The following HCFC2 variants were observed in gnomAD, a reference collection of about 807,000 sequenced individuals.
HCFC2 encodes the protein host cell factor C2.
A neutral mutation model predicts 89.2 loss-of-function variants in HCFC2; 18 were observed. The observed-to-expected ratio is 0.20, with a 90% CI of 0.14 to 0.30. HCFC2 has a LOEUF of 0.30. HCFC2 is among the 10% of genes least tolerant of loss of function. The pLI, the probability that HCFC2 is intolerant of heterozygous loss-of-function variation, is 1.00. For missense variants in HCFC2, 578 were observed against 956.1 expected, an observed-to-expected ratio of 0.60 and a Z score of 5.21; for synonymous variants, 308 against 335.7, an observed-to-expected ratio of 0.92 and a Z score of 0.90.
In HCFC2 at chr12:104,101,985, A is replaced by C. The variant is rs891431491; in HGVS notation, c.1896A>C (p.Val632=). ...CATTTTAGGTAGGAAATGCAGATGTACCTGACTACAGCTTGCTTAAGAAAC... is the reference window on the plus strand; with the variant it reads ...CATTTTAGGTAGGAAATGCAGATGTCCCTGACTACAGCTTGCTTAAGAAAC... ...QSISKVGNAD[V]PDYSLLKKQD... is the part of the protein sequence containing the mutation. Residue 632 remains valine, a synonymous_variant, in exon 14 of 15, where the codon GTA becomes GTC. Transcript: ENST00000229330. The C allele has an allele frequency of 1.9e-6, 3 of 1,605,080 alleles. No individual in the cohort carries two copies. Among genetic ancestry groups the C allele is most frequent in the Non-Finnish European group, 1.7e-6 (2 of 1,174,686 alleles).
intron 9 of HCFC2, among the ~76,000 whole-genome samples, chr12:104,089,048 C>G (rs983936871): frequency 6.6e-6 from 1 of 152,124 alleles, no homozygotes; most frequent in Non-Finnish European, 1.5e-5. Context: ...GACCCACCCC[C>G]CACAGTCCCC....
chr12:104,097,200 C>T (rs2723866), intron 12 of HCFC2, among the ~76,000 whole-genome samples: 93,339 of 151,970 alleles, frequency 0.61, 29,927 homozygotes, highest in East Asian at 0.9. Flanking sequence ...TAAATTTAAC[C>T]TTTAGAATCT....
intron 7 of HCFC2, among the ~76,000 whole-genome samples, chr12:104,084,023 A>G (rs1883759619): frequency 6.6e-6 from 1 of 152,166 alleles, no homozygotes; most frequent in South Asian, 2.1e-4. Flanking sequence ...GCAAGACCCC[A>G]TCTCGAAAGG....
At chr12:104,069,788 C>T (rs927852671) in intron 3 of HCFC2, among the ~76,000 whole-genome samples, 11 of 151,706 alleles carry the variant, frequency 7.3e-5, no homozygotes, top group African/African-American at 2.7e-4. Context: ...CCTATCAACC[C>T]ATCATCTAGG....
chr12:104,086,895 A>T lies in HCFC2; in HGVS notation c.1112A>T (p.Asn371Ile). 6.2e-7 allele frequency: 1 copy of T among 1,613,764 alleles called. No homozygotes were observed. The highest frequency in any genetic ancestry group is 8.5e-7 in the Non-Finnish European group (1 of 1,179,854). Residue 371 changes from asparagine (N) to isoleucine (I), a missense_variant, in exon 8 of 15, where the codon AAC becomes ATC. Coordinates refer to ENST00000229330, the MANE Select transcript of HCFC2 (RefSeq NM_013320.3). Reference sequence around the variant, plus strand: ...GTACAGCTGATCAAAGCCACTACCAACTCCTTTCATGTCAAGTGGGATGAA... The same window carrying T: ...GTACAGCTGATCAAAGCCACTACCATCTCCTTTCATGTCAAGTGGGATGAA... ...SQVQLIKATTNSFHVKWDEVS... is the reference protein window; with the variant it reads ...SQVQLIKATTISFHVKWDEVS...
At chr12:104,079,880 C>T (rs929434181) in intron 4 of HCFC2, among the ~76,000 whole-genome samples, 2 of 152,106 alleles carry the variant, frequency 1.3e-5, no homozygotes, top group Admixed American at 6.5e-5. Flanking sequence ...ATAGGGTTAC[C>T]TTATGTCCTG....
At chr12:104,090,738 T>C (rs1349300982) in intron 9 of HCFC2, among the ~76,000 whole-genome samples, 1 of 152,204 alleles carries the variant, frequency 6.6e-6, no homozygotes, top group Non-Finnish European at 1.5e-5. Context: ...GTTATGTTTC[T>C]TTTTTTCAAG....
intron 3 of HCFC2, among the ~76,000 whole-genome samples, chr12:104,071,524 C>A (rs1009119985): frequency 3.9e-5 from 6 of 152,226 alleles, no homozygotes; most frequent in African/African-American, 1.4e-4. Context: ...ACTGTGCCTA[C>A]GGGGAAAGAA....
Position 104,086,127 on chromosome 12 carries a change from A to G in HCFC2, c.1064-720A>G, listed in dbSNP as rs137888557. Among the ~76,000 whole-genome samples the G allele has an allele frequency of 7.4e-3, 1,119 of 151,262 alleles. 21 individuals carry two copies. Among genetic ancestry groups the G allele is most frequent in the South Asian group, 0.074 (354 of 4,786 alleles). On this transcript the variant is annotated intron_variant, in intron 7 of 14. Transcript: ENST00000229330. ...ATTCTTCTGCCTTAGCCTTCCGAGT[A>G]CCTGGAATTACAGGCGCCAGCCACA...
At chr12:104,099,911 C>T (rs2029883323) in intron 13 of HCFC2, among the ~76,000 whole-genome samples, 1 of 152,118 alleles carries the variant, frequency 6.6e-6, no homozygotes, top group Non-Finnish European at 1.5e-5. Flanking sequence ...TCCATCCCGG[C>T]TTCCCAAAGT....
intron 12 of HCFC2, among the ~76,000 whole-genome samples, chr12:104,097,185 T>C (rs1565815499): frequency 6.6e-6 from 1 of 152,212 alleles, no homozygotes. Flanking sequence ...AGTTTTCATT[T>C]GACCTAAATT....
chr12:104,094,415 G>T (rs1485598264), intron 10 of HCFC2, among the ~76,000 whole-genome samples: 1 of 152,044 alleles, frequency 6.6e-6, no homozygotes, highest in East Asian at 1.9e-4. Flanking sequence ...ACAAGAAGAA[G>T]GCTTAAGTTT....
chr12:104,082,081 A>T lies in HCFC2; in HGVS notation c.768-419A>T, dbSNP rs2136609859. 2.0e-5 allele frequency among the ~76,000 whole-genome samples: 3 copies of T among 152,320 alleles called. No individual in the cohort carries two copies. The East Asian group carries it at 5.8e-4, about 29-fold the overall frequency. On this transcript the variant is annotated intron_variant, in intron 5 of 14. Coordinates refer to ENST00000229330, the MANE Select transcript of HCFC2 (RefSeq NM_013320.3). ...GAACACAGTTTAAAGTTTTTTGTTT[A>T]AGTGATATCAATGACCAAAGTTATA...
At chr12:104,097,821 GTA>G (rs1380783956) in intron 12 of HCFC2, 1 of 164,520 alleles carries the variant, frequency 6.1e-6, no homozygotes, top group Non-Finnish European at 1.3e-5. Context: ...ATATACCAAA[GTA>G]TATTCAAATT....
In HCFC2 at chr12:104,083,108, G is replaced by A. The variant is rs548228100; in HGVS notation, c.1063+207G>A. On this transcript the variant is annotated intron_variant, in intron 7 of 14. Coordinates refer to ENST00000229330, the MANE Select transcript of HCFC2 (RefSeq NM_013320.3). ...GTAGGCTGGATTTAAAGACTCCTTTGCAAAGAATAAAGTATGGAAAGGGAA... is the reference window on the plus strand; with the variant it reads ...GTAGGCTGGATTTAAAGACTCCTTTACAAAGAATAAAGTATGGAAAGGGAA... Among the ~76,000 whole-genome samples the A allele has an allele frequency of 1.0e-3, 157 of 152,196 alleles. 1 individual carries two copies. The highest frequency in any genetic ancestry group is 3.6e-3 in the African/African-American group (151 of 41,536).
Position 104,103,324 on chromosome 12 carries a change from G to A in HCFC2, c.*51G>A. 1 of 1,403,164 alleles carries A rather than the reference G, an allele frequency of 7.1e-7. No individual in the cohort carries two copies. Among genetic ancestry groups the A allele is most frequent in the Non-Finnish European group, 9.8e-7 (1 of 1,016,138 alleles). The allele number at this position is 1,403,164 out of a possible 1,614,324, so 86.9% of individuals were successfully genotyped here. ...TGATGATGATTATTTATTAGTAACT[G>A]GTTATGAAGATTTGTCATTTAAAAG... is the stretch of plus-strand genomic sequence containing the variant. On this transcript the variant is annotated 3_prime_UTR_variant, in exon 15 of 15. Coordinates refer to ENST00000229330, the MANE Select transcript of HCFC2 (RefSeq NM_013320.3).
chr12:104,083,724 T>G (rs1883750806), intron 7 of HCFC2, among the ~76,000 whole-genome samples: 2 of 152,100 alleles, frequency 1.3e-5, no homozygotes, highest in African/African-American at 4.8e-5. Flanking sequence ...AAATAAAAGA[T>G]TTTAAAAAAA....
intron 8 of HCFC2, among the ~76,000 whole-genome samples, chr12:104,087,429 G>A (rs1456988019): frequency 9.1e-6 from 1 of 109,602 alleles, no homozygotes; most frequent in African/African-American, 3.1e-5. Context: ...GTGTGTGTGT[G>A]TGTGTGTGTG....
intron 7 of HCFC2, among the ~76,000 whole-genome samples, chr12:104,084,413 A>G (rs1243974719): frequency 1.3e-5 from 2 of 152,194 alleles, no homozygotes; most frequent in Admixed American, 1.3e-4. Context: ...ACCCACATAA[A>G]AAGGCCAGAG....
Sources: gnomAD v4.1 joint callset for allele counts (sites outside exome capture counted in the v4.1 genomes callset) on GRCh38, gnomAD v4.1.1 for gene constraint, MANE v1.5 for transcripts, NCBI Gene and HGNC (gene_info 2026-07-23, HGNC 2026-07-21) for gene names.